The following NR2F2 variants were observed in gnomAD, a reference collection of about 807,000 sequenced individuals.
NR2F2 encodes nuclear receptor subfamily 2 group F member 2, also known as COUP transcription factor 2.
Under a neutral mutation model 34.8 loss-of-function variants are expected in NR2F2, and 2 were observed. The observed-to-expected ratio is 0.06, with a 90% CI of 0.02 to 0.18. The LOEUF is 0.18. NR2F2 is among the 10% of genes least tolerant of loss of function. The pLI is 1.00. For synonymous variants in NR2F2, 274 were observed against 251.8 expected, an observed-to-expected ratio of 1.09 and a Z score of -0.84; for missense variants, 300 against 580.1, an observed-to-expected ratio of 0.52 and a Z score of 4.96.
rs1214561592 is a variant in NR2F2 at position 96,330,901 on chromosome 15, C to T, written c.-1205C>T. On this transcript the variant is annotated 5_prime_UTR_variant, in exon 1 of 3. Coordinates refer to ENST00000394166, the MANE Select transcript of NR2F2 (RefSeq NM_021005.4). ...CCGGGTGCCGTACTGCCTTTTTTCC[C>T]CTCTTTCATTCTTTCTCTCCGTCTT... 4.4e-6 allele frequency: 5 copies of T among 1,143,674 alleles called. No homozygotes were observed. The African/African-American group carries it at 8.2e-5, about 19-fold the overall frequency. 70.8% of individuals were successfully genotyped at this position (1,143,674 alleles called of 1,614,324 possible). A position where few individuals can be genotyped will look rare whatever the true frequency, so the allele number is the denominator to read the frequency against.
At chr15:96,336,289 C>T (rs369963561) in intron 2 of NR2F2, among the ~76,000 whole-genome samples, 1 of 152,206 alleles carries the variant, frequency 6.6e-6, no homozygotes, top group East Asian at 1.9e-4. Flanking sequence ...GGGAGACACA[C>T]AGTTCCGAGG....
chr15:96,334,714 CT>C, intron 2 of NR2F2, 111 bp downstream of exon 2: 1 of 1,185,090 alleles, frequency 8.4e-7, no homozygotes, highest in South Asian at 1.6e-5. Flanking sequence ...AAAGGCCAAA[CT>C]GTTGAGTGCA....
upstream of NR2F2, among the ~76,000 whole-genome samples, chr15:96,326,597 T>C (rs924112670): frequency 2.0e-5 from 3 of 151,662 alleles, no homozygotes; most frequent in African/African-American, 7.3e-5. This position sits in a 1 kb window ranked among gnomAD's most constrained non-coding sequence, Gnocchi z 5.5. Context: ...GAAAATACAA[T>C]TGCAAAGCTG....
chr15:96,333,350 C>T, intron 1 of NR2F2: 1 of 1,001,982 alleles, frequency 1.0e-6, no homozygotes, highest in African/African-American at 1.7e-5. Flanking sequence ...GGTCCGGAGT[C>T]AGATAACAGC....
At chr15:96,333,323 G>T (rs967287885) in intron 1 of NR2F2, 76 of 1,001,524 alleles carry the variant, frequency 7.6e-5, no homozygotes, top group Admixed American at 1.8e-4. Flanking sequence ...TTGTGTTTCT[G>T]CGAGAGCGAC....
Position 96,330,939 on chromosome 15 carries a change from C to G in NR2F2, c.-1167C>G. 8.8e-7 allele frequency: 1 copy of G among 1,141,444 alleles called. No homozygotes were observed. Among genetic ancestry groups the G allele is most frequent in the Non-Finnish European group, 1.1e-6 (1 of 928,402 alleles). The allele number at this position is 1,141,444 out of a possible 1,614,324, so 70.7% of individuals were successfully genotyped here. A position where few individuals can be genotyped will look rare whatever the true frequency, so the allele number is the denominator to read the frequency against. Reference sequence around the variant, plus strand: ...TTCTCTCCGTCTTTTTCTCCCCCCTCTGCGCACGAAGGATGTGCTTCTAGG... The same window carrying G: ...TTCTCTCCGTCTTTTTCTCCCCCCTGTGCGCACGAAGGATGTGCTTCTAGG... On this transcript the variant is annotated 5_prime_UTR_variant, in exon 1 of 3. Transcript: ENST00000394166.
Position 96,331,249 on chromosome 15 carries a change from A to C in NR2F2, c.-857A>C. On this transcript the variant is annotated 5_prime_UTR_variant, in exon 1 of 3. Transcript: ENST00000394166. ...AGCGACTGCGGGCGGCGGCGGCCGG[A>C]GAGAGCGAGGCGCGCGCCGGACGCC... 2 of 987,248 alleles carry C rather than the reference A, an allele frequency of 2.0e-6. No individual in the cohort carries two copies. Among genetic ancestry groups the C allele is most frequent in the Non-Finnish European group, 2.4e-6 (2 of 832,774 alleles). 61.2% of individuals were successfully genotyped at this position (987,248 alleles called of 1,614,324 possible). A position where few individuals can be genotyped will look rare whatever the true frequency, so the allele number is the denominator to read the frequency against.
upstream of NR2F2, among the ~76,000 whole-genome samples, chr15:96,328,951 T>C (rs368296666): frequency 6.6e-6 from 1 of 152,326 alleles, no homozygotes; most frequent in South Asian, 2.1e-4. Flanking sequence ...ATTCTGCCTA[T>C]GTGTGTAAAG....
chr15:96,329,255 C>CATTATTATG (rs1899067005), upstream of NR2F2, among the ~76,000 whole-genome samples: 1 of 152,188 alleles, frequency 6.6e-6, no homozygotes, highest in African/African-American at 2.4e-5. Flanking sequence ...AATTCACTAA[C>CATTATTATG]TGGTCATAAA....
chr15:96,326,119 A>G (rs1898975599), upstream of NR2F2: 20 of 621,804 alleles, frequency 3.2e-5, no homozygotes, highest in South Asian at 4.0e-4. The surrounding 1 kb of genome is among the most constrained non-coding windows in gnomAD (Gnocchi z 5.5). Context: ...GAGGTGGAAG[A>G]TCTCTCCCTT....
Position 96,338,987 on chromosome 15 carries a change from G to A in NR2F2, c.*1365G>A, listed in dbSNP as rs1226539820. The A allele has an allele frequency of 6.7e-6, 1 of 149,320 alleles. No homozygotes were observed. The highest frequency in any genetic ancestry group is 2.5e-5 in the African/African-American group (1 of 40,438). The allele number at this position is 149,320 out of a possible 1,614,324, so 9.2% of individuals were successfully genotyped here. On this transcript the variant is annotated 3_prime_UTR_variant, in exon 3 of 3. Coordinates refer to ENST00000394166, the MANE Select transcript of NR2F2 (RefSeq NM_021005.4). ...TTAATTTGGGTGTGTGTGTGTTGGGGGGGGAGCTGAAGTTAATGGTTTATC... is the reference window on the plus strand; with the variant it reads ...TTAATTTGGGTGTGTGTGTGTTGGGAGGGGAGCTGAAGTTAATGGTTTATC...
chr15:96,330,183 C>T (rs958092437), upstream of NR2F2, among the ~76,000 whole-genome samples: 9 of 152,164 alleles, frequency 5.9e-5, no homozygotes, highest in Admixed American at 1.3e-4. Context: ...TAAGATGCGC[C>T]AGGAGTCCCG....
chr15:96,332,454 G>T lies in NR2F2; in HGVS notation c.349G>T (p.Ala117Ser), dbSNP rs767059013. ...GAGGAACCTGAGCTACACGTGCCGC[G>T]CCAACCGGAACTGTCCCATCGACCA... ...VRRNLSYTCR[A>S]NRNCPIDQHH... Residue 117 changes from alanine (A) to serine (S), a missense_variant, in exon 1 of 3, where the codon GCC (alanine) becomes TCC (serine). By Grantham distance (99) the Ala-to-Ser change is moderately conservative. Coordinates refer to ENST00000394166, the MANE Select transcript of NR2F2 (RefSeq NM_021005.4). 6.2e-7 allele frequency: 1 copy of T among 1,614,190 alleles called. No homozygotes were observed. Among genetic ancestry groups the T allele is most frequent in the Non-Finnish European group, 8.5e-7 (1 of 1,180,050 alleles).
rs34678417 is a variant in NR2F2 at position 96,337,775 on chromosome 15, CAAAA to C, written c.*165_*168del. On this transcript the variant is annotated 3_prime_UTR_variant, in exon 3 of 3. Coordinates refer to ENST00000394166, the MANE Select transcript of NR2F2 (RefSeq NM_021005.4). ...GAAGAATTTAATGGACTGTGAATTT[CAAAA>C]AAAAAAAAAAAGACTGTCAAATGAA... 104 of 202,510 alleles carry C rather than the reference CAAAA, an allele frequency of 5.1e-4. No homozygotes were observed. Among genetic ancestry groups the C allele is most frequent in the African/African-American group, 7.4e-4 (26 of 35,020 alleles). The allele number at this position is 202,510 out of a possible 1,614,324, so 12.5% of individuals were successfully genotyped here.
chr15:96,327,831 GTTTC>G (rs1419562822), upstream of NR2F2, among the ~76,000 whole-genome samples: 2 of 152,160 alleles, frequency 1.3e-5, no homozygotes, highest in Non-Finnish European at 2.9e-5. Context: ...TGGGTGTTGA[GTTTC>G]TTTCTTTTCT....
At chr15:96,328,907 C>G (rs959683867), upstream of NR2F2, among the ~76,000 whole-genome samples, 3 of 152,026 alleles carry the variant, frequency 2.0e-5, no homozygotes, top group African/African-American at 7.3e-5. Context: ...AAAAACCAGC[C>G]CCTATCTGCC....
chr15:96,334,429 G>C lies in NR2F2; in HGVS notation c.796G>C (p.Val266Leu), dbSNP rs1899256927. 6.2e-7 allele frequency: 1 copy of C among 1,613,878 alleles called. No individual in the cohort carries two copies. The highest frequency in any genetic ancestry group is 1.6e-4 in the Middle Eastern group (1 of 6,062). ...GGCGCAGTGCTCCATGCCCCTCCAC[G>C]TCGCCCCGCTCCTGGCCGCCGCCGG... ...NAAQCSMPLH[V>L]APLLAAAGLH... The change falls in exon 2 of 3, where the codon GTC becomes CTC. Residue 266 changes from valine (V) to leucine (L), a missense_variant. Val to Leu is a conservative substitution (Grantham distance 32, BLOSUM62 1). Coordinates refer to ENST00000394166, the MANE Select transcript of NR2F2 (RefSeq NM_021005.4).
chr15:96,333,158 G>A (rs1479132611), intron 1 of NR2F2: 2 of 176,512 alleles, frequency 1.1e-5, no homozygotes, highest in African/African-American at 4.8e-5. Flanking sequence ...AGTAGGAAAG[G>A]GTGGGCGAGG....
chr15:96,335,087 A>G (rs1306324729), intron 2 of NR2F2, among the ~76,000 whole-genome samples: 4 of 152,258 alleles, frequency 2.6e-5, no homozygotes, highest in Admixed American at 6.5e-5. Context: ...GCTCCAGGCA[A>G]ATCCAACCTG....
Sources: gnomAD v4.1 joint callset for allele counts (sites outside exome capture counted in the v4.1 genomes callset) on GRCh38, gnomAD v4.1.1 for gene constraint, Gnocchi (gnomAD v3.1) non-coding constraint, MANE v1.5 for transcripts, NCBI Gene and HGNC (gene_info 2026-07-23, HGNC 2026-07-21) for gene names.